Variants in REL observed in about 807,000 individuals in gnomAD.
REL encodes the protein REL proto-oncogene, NF-kB subunit.
A neutral mutation model predicts 45.9 loss-of-function variants in REL; 15 were observed. The observed-to-expected ratio is 0.33, with a 90% CI of 0.22 to 0.50. The LOEUF (loss-of-function observed/expected upper bound fraction) is 0.50, where lower values mean the gene tolerates loss of function less well. Ranked by LOEUF, REL falls within the 20% of genes least tolerant of loss-of-function variation. REL has a pLI of 0.98. For missense variants in REL, 601 were observed against 715.2 expected (o/e 0.84, Z 1.82); for synonymous variants, 239 against 242.1 (o/e 0.99, Z 0.12).
chr2:60,930,047 A>AT lies in REL; in HGVS notation c.*7515dup, dbSNP rs1674353012. ...CCAGGCCGCCTAATGGCATCAAATA[A>AT]TTTGTTATATCTTTAATTTATTGAA... is the stretch of plus-strand genomic sequence containing the variant. On this transcript the variant is annotated 3_prime_UTR_variant, in exon 10 of 10. Coordinates refer to ENST00000394479, the MANE Select transcript of REL (RefSeq NM_001291746.2). 1 of 152,076 alleles carries AT rather than the reference A, an allele frequency of 6.6e-6. No individual in the cohort carries two copies. The highest frequency in any genetic ancestry group is 1.5e-5 in the Non-Finnish European group (1 of 68,014). 9.4% of individuals were successfully genotyped at this position (152,076 alleles called of 1,614,324 possible).
intron 1 of REL, among the ~76,000 whole-genome samples, chr2:60,890,929 G>A (rs1673194001): frequency 6.6e-6 from 1 of 152,154 alleles, no homozygotes; most frequent in Admixed American, 6.6e-5. Flanking sequence ...CTTTCACTCA[G>A]CATAATCATT....
intron 7 of REL, among the ~76,000 whole-genome samples, chr2:60,919,814 G>A (rs1053233898): frequency 6.6e-6 from 1 of 152,186 alleles, no homozygotes; most frequent in Non-Finnish European, 1.5e-5. Context: ...ACCTGCCTCA[G>A]CCTCCCAAAG....
Position 60,881,741 on chromosome 2 carries a change from C to A in REL, c.-100C>A. The A allele has an allele frequency of 9.0e-7, 1 of 1,116,486 alleles. No individual in the cohort carries two copies. Among genetic ancestry groups the A allele is most frequent in the Non-Finnish European group, 1.3e-6 (1 of 780,666 alleles). The allele number at this position is 1,116,486 out of a possible 1,614,324, so 69.2% of individuals were successfully genotyped here. A position where few individuals can be genotyped will look rare whatever the true frequency, so the allele number is the denominator to read the frequency against. On this transcript the variant is annotated 5_prime_UTR_variant, in exon 1 of 10. Coordinates refer to ENST00000394479, the MANE Select transcript of REL (RefSeq NM_001291746.2). The stretch of plus-strand genomic sequence containing the variant: ...CTAGGGTGGTCGGGGGACTGGGGGC[C>A]CCGCCGGCAGAGGTCCCTCGGCCTC...
chr2:60,908,137 A>T (rs1308456062), intron 4 of REL, among the ~76,000 whole-genome samples: 1 of 152,160 alleles, frequency 6.6e-6, no homozygotes. Flanking sequence ...GTTTTGTGTT[A>T]TCTGTTAGAT....
At chr2:60,921,710 T>A in intron 9 of REL, 53 bp from the exon 10 acceptor site, 1 of 1,476,780 alleles carries the variant, frequency 6.8e-7, no homozygotes, top group Non-Finnish European at 9.2e-7. Flanking sequence ...TTAGAAATGC[T>A]TTTTATAATT....
chr2:60,918,878 C>T (rs1674055596), intron 7 of REL, among the ~76,000 whole-genome samples: 1 of 152,088 alleles, frequency 6.6e-6, no homozygotes, highest in Non-Finnish European at 1.5e-5. Context: ...GTAACCTCCT[C>T]CTCCCGGGTT....
Sources: gnomAD v4.1 joint callset for allele counts (sites outside exome capture counted in the v4.1 genomes callset) on GRCh38, gnomAD v4.1.1 for gene constraint, MANE v1.5 for transcripts, NCBI Gene and HGNC (gene_info 2026-07-23, HGNC 2026-07-21) for gene names.